Variants in CTNNA3 observed in about 807,000 individuals in gnomAD.
The protein encoded by CTNNA3 is catenin alpha-3.
In CTNNA3, 76 loss-of-function variants were observed where a neutral mutation model predicts 95.7. The ratio of observed to expected loss-of-function variants is 0.79; its 90% CI spans 0.66 to 0.96. The LOEUF is 0.96. Ranked by LOEUF, CTNNA3 falls within the 40% of genes least tolerant of loss-of-function variation. CTNNA3 has a pLI of 0.00. For missense variants in CTNNA3, 1,191 were observed against 1,089.8 expected (o/e 1.09, Z -1.31); for synonymous variants, 431 against 374.4 (o/e 1.15, Z -1.74).
At chr10:67,071,647 G>T (rs971956614) in intron 7 of CTNNA3, among the ~76,000 whole-genome samples, 1 of 151,578 alleles carries the variant, frequency 6.6e-6, no homozygotes, top group Non-Finnish European at 1.5e-5. Context: ...TGTGTGTGGC[G>T]GTCTTTCCAA....
chr10:67,598,524 G>A (rs1361379160), intron 3 of CTNNA3, among the ~76,000 whole-genome samples: 1 of 151,948 alleles, frequency 6.6e-6, no homozygotes, highest in Non-Finnish European at 1.5e-5. Flanking sequence ...TGCTGATTTT[G>A]ACGGTGTGGT....
intron 5 of CTNNA3, among the ~76,000 whole-genome samples, chr10:67,256,425 A>C (rs1866352926): frequency 6.6e-6 from 1 of 152,158 alleles, no homozygotes; most frequent in African/African-American, 2.4e-5. Flanking sequence ...TAGGGCATTA[A>C]ATTTATTTTC....
intron 6 of CTNNA3, among the ~76,000 whole-genome samples, chr10:67,208,253 G>A (rs1241552966): frequency 6.6e-6 from 1 of 151,644 alleles, no homozygotes; most frequent in Non-Finnish European, 1.5e-5. Context: ...GGTGGCAGGC[G>A]CCTGTAATCT....
chr10:67,061,604 C>G (rs1036525427), intron 7 of CTNNA3, among the ~76,000 whole-genome samples: 1 of 152,136 alleles, frequency 6.6e-6, no homozygotes, highest in East Asian at 1.9e-4. Flanking sequence ...TGAATTGTAG[C>G]AATGTTTTAG....
At position 67,078,666 on chromosome 10, in the gene CTNNA3, A is replaced by G. The variant is rs185337513; in HGVS notation, c.1047+101651T>C. Among the ~76,000 whole-genome samples, 358 of 152,062 alleles carry G rather than the reference A, an allele frequency of 2.4e-3. 4 individuals are homozygous for G. The highest frequency in any genetic ancestry group is 0.01 in the Middle Eastern group (3 of 294). ...CAAGTAGCTGGGATTACAGGCACCCACCACCACACCTGGCTAATTCTTTGT... is the reference window on the plus strand; with the variant it reads ...CAAGTAGCTGGGATTACAGGCACCCGCCACCACACCTGGCTAATTCTTTGT... On this transcript the variant is annotated intron_variant, in intron 7 of 17. Coordinates refer to ENST00000433211, the MANE Select transcript of CTNNA3 (RefSeq NM_013266.4).
chr10:67,240,043 G>A (rs976972973), intron 5 of CTNNA3, among the ~76,000 whole-genome samples: 4 of 152,110 alleles, frequency 2.6e-5, no homozygotes, highest in Non-Finnish European at 5.9e-5. Flanking sequence ...TGCCCACATG[G>A]AATAGCTCAG....
At chr10:67,347,390 C>T (rs1245622159) in intron 5 of CTNNA3, among the ~76,000 whole-genome samples, 1 of 152,058 alleles carries the variant, frequency 6.6e-6, no homozygotes, top group African/African-American at 2.4e-5. Context: ...TTTACAAAAG[C>T]TCCTATTGTT....
At chr10:66,813,723 A>G (rs1279022987) in intron 7 of CTNNA3, among the ~76,000 whole-genome samples, 2 of 152,166 alleles carry the variant, frequency 1.3e-5, no homozygotes, top group Non-Finnish European at 2.9e-5. Flanking sequence ...CTGATGAGAG[A>G]GAGTAAAAGA....
chr10:66,671,575 T>C (rs959430804), intron 9 of CTNNA3, among the ~76,000 whole-genome samples: 11 of 152,220 alleles, frequency 7.2e-5, no homozygotes, highest in Non-Finnish European at 1.3e-4. Context: ...TTACTTTTCT[T>C]GTTAAACCCT....
intron 15 of CTNNA3, among the ~76,000 whole-genome samples, chr10:65,997,538 A>C (rs1369680333): frequency 6.6e-6 from 1 of 152,196 alleles, no homozygotes; most frequent in Non-Finnish European, 1.5e-5. Context: ...TATGTCACTT[A>C]AACATCATGA....
At chr10:66,828,336 T>C (rs922127977) in intron 7 of CTNNA3, among the ~76,000 whole-genome samples, 1 of 152,224 alleles carries the variant, frequency 6.6e-6, no homozygotes, top group Non-Finnish European at 1.5e-5. Context: ...GTTTTTTCTG[T>C]GAAATCTTTC....
intron 7 of CTNNA3, among the ~76,000 whole-genome samples, chr10:66,912,918 T>C (rs1846281609): frequency 6.6e-6 from 1 of 152,138 alleles, no homozygotes; most frequent in Admixed American, 6.5e-5. Flanking sequence ...ATATCCAAGC[T>C]TCTTCCAATT....
chr10:67,587,683 C>T (rs1350356524), intron 3 of CTNNA3, among the ~76,000 whole-genome samples: 7 of 152,080 alleles, frequency 4.6e-5, no homozygotes, highest in Admixed American at 4.6e-4. Flanking sequence ...TGTGCCATAG[C>T]AAAGTCCTTT....
rs1255783106 is a variant in CTNNA3, at chr10:67,202,752, G to GA, written c.843+16854dup. On this transcript the variant is annotated intron_variant, in intron 6 of 17. Transcript: ENST00000433211. ...GACAGAAAGTTTGCACCAGGTGGTA[G>GA]AAAAAAAAGAAAACTGTAATATCAC... 4.0e-5 allele frequency among the ~76,000 whole-genome samples: 6 copies of GA among 151,352 alleles called. No individual in the cohort carries two copies. In the East Asian group the frequency reaches 5.9e-4, roughly 15 times the overall value.
intron 1 of CTNNA3, among the ~76,000 whole-genome samples, chr10:67,670,812 T>C (rs1407241630): frequency 1.3e-5 from 2 of 152,332 alleles, no homozygotes; most frequent in Admixed American, 6.5e-5. Flanking sequence ...AATGGGTACA[T>C]TTCCAATTAA....
In CTNNA3 at chr10:66,422,214, G is replaced by A. The variant is rs567973129; in HGVS notation, c.1532-42862C>T. Reference sequence around the variant, plus strand: ...TTAGTTACAATCAATGACTTTTGCAGCAATTTTTAATGCTGATCACAAATT... The same window carrying A: ...TTAGTTACAATCAATGACTTTTGCAACAATTTTTAATGCTGATCACAAATT... On this transcript the variant is annotated intron_variant, in intron 11 of 17. Coordinates refer to ENST00000433211, the MANE Select transcript of CTNNA3 (RefSeq NM_013266.4). Among the ~76,000 whole-genome samples the A allele has an allele frequency of 4.6e-5, 7 of 152,064 alleles. No homozygotes were observed. The East Asian group carries it at 1.4e-3, about 29-fold the overall frequency.
chr10:65,951,408 C>CA (rs763094889), intron 17 of CTNNA3, among the ~76,000 whole-genome samples: 8 of 152,044 alleles, frequency 5.3e-5, no homozygotes, highest in African/African-American at 9.7e-5. Context: ...ATTTGGGGTC[C>CA]AGCAGCTTTT....
chr10:66,870,138 G>C (rs1242946436), intron 7 of CTNNA3, among the ~76,000 whole-genome samples: 1 of 152,050 alleles, frequency 6.6e-6, no homozygotes, highest in Non-Finnish European at 1.5e-5. Context: ...TTTCAGCTGA[G>C]AATTTTTTTT....
chr10:66,128,823 T>A (rs577113268), intron 13 of CTNNA3, among the ~76,000 whole-genome samples: 2 of 152,254 alleles, frequency 1.3e-5, no homozygotes, highest in South Asian at 4.1e-4. Flanking sequence ...TTGAAACAAA[T>A]GTACCCACTC....
Sources: gnomAD v4.1 joint callset for allele counts (sites outside exome capture counted in the v4.1 genomes callset) on GRCh38, gnomAD v4.1.1 for gene constraint, MANE v1.5 for transcripts, NCBI Gene and HGNC (gene_info 2026-07-23, HGNC 2026-07-21) for gene names.